ZNF804B: variants seen among roughly 807,000 people sequenced by gnomAD.
The protein encoded by ZNF804B is zinc finger 804B.
In ZNF804B, 80 loss-of-function variants were observed where a neutral mutation model predicts 101.4. That is an observed-to-expected ratio of 0.79 (90% CI 0.66 to 0.95). The LOEUF (loss-of-function observed/expected upper bound fraction) is 0.95, where lower values mean the gene tolerates loss of function less well. Ranked by LOEUF, ZNF804B falls within the 40% of genes least tolerant of loss-of-function variation. ZNF804B has a pLI of 0.00. For missense variants in ZNF804B, 1,673 were observed against 1,561.9 expected (o/e 1.07, Z -1.20); for synonymous variants, 622 against 558.8 (o/e 1.11, Z -1.59).
intron 1 of ZNF804B, among the ~76,000 whole-genome samples, chr7:88,837,962 TTTAAA>T (rs1028385551): frequency 2.3e-4 from 35 of 151,886 alleles, no homozygotes; most frequent in Admixed American, 1.3e-4. Context: ...GTATTATTGT[TTTAAA>T]TTAAATTAAT....
intron 1 of ZNF804B, among the ~76,000 whole-genome samples, chr7:88,887,178 G>A (rs1792140032): frequency 1.2e-5 from 1 of 82,926 alleles, no homozygotes; most frequent in African/African-American, 7.2e-5. Context: ...CATTTCTTTA[G>A]AAAACAAAAA....
chr7:89,181,162 A>T (rs1282160916), intron 1 of ZNF804B, among the ~76,000 whole-genome samples: 1 of 151,796 alleles, frequency 6.6e-6, no homozygotes, highest in Non-Finnish European at 1.5e-5. Flanking sequence ...AGGGTTGGGG[A>T]TGGGGTAACA....
At chr7:88,991,395 C>T (rs182711405) in intron 1 of ZNF804B, among the ~76,000 whole-genome samples, 2 of 152,260 alleles carry the variant, frequency 1.3e-5, no homozygotes, top group African/African-American at 2.4e-5. Context: ...AGAGATCCTC[C>T]GGGAGGTTCC....
At chr7:88,785,714 C>T (rs943843156) in intron 1 of ZNF804B, among the ~76,000 whole-genome samples, 1 of 152,120 alleles carries the variant, frequency 6.6e-6, no homozygotes, top group Non-Finnish European at 1.5e-5. Context: ...TCTCCCAACA[C>T]AGTATGCTTC....
chr7:88,763,567 A>C (rs920111289), intron 1 of ZNF804B, among the ~76,000 whole-genome samples: 1 of 152,038 alleles, frequency 6.6e-6, no homozygotes, highest in Non-Finnish European at 1.5e-5. Context: ...AAGTAAAAAA[A>C]AAAAAGAAAA....
Position 89,334,567 on chromosome 7 carries a change from G to C in ZNF804B, c.1585G>C (p.Glu529Gln). 1.9e-6 allele frequency: 3 copies of C among 1,613,638 alleles called. No homozygotes were observed. Among genetic ancestry groups the C allele is most frequent in the Non-Finnish European group, 2.5e-6 (3 of 1,179,800 alleles). ...TGAAGACCAACAAAAATTGATCCAA[G>C]AAGATTATCAATATCCGAAACCAAA... ...LTEDQQKLIQ[E>Q]DYQYPKPKTM... The change falls in exon 4 of 4, where the codon GAA becomes CAA. Residue 529 changes from glutamate (E) to glutamine (Q), a missense_variant. Glu to Gln is a conservative substitution (Grantham distance 29). Transcript: ENST00000333190.
intron 1 of ZNF804B, among the ~76,000 whole-genome samples, chr7:89,103,421 C>T (rs1790090597): frequency 1.3e-5 from 2 of 151,318 alleles, no homozygotes; most frequent in African/African-American, 2.4e-5. Context: ...ATTTGTAGTT[C>T]TTCTTGTAGA....
chr7:88,914,460 T>C (rs1396724322), intron 1 of ZNF804B, among the ~76,000 whole-genome samples: 9 of 152,122 alleles, frequency 5.9e-5, no homozygotes, highest in Non-Finnish European at 1.5e-5. Flanking sequence ...TGAGCAACAC[T>C]TGAAGTGGAA....
intron 1 of ZNF804B, among the ~76,000 whole-genome samples, chr7:89,200,210 T>C (rs1490217075): frequency 6.6e-6 from 1 of 151,918 alleles, no homozygotes; most frequent in Non-Finnish European, 1.5e-5. Context: ...ACCCAAATGC[T>C]CTTTACTCTT....
chr7:88,809,938 C>G (rs780121783), intron 1 of ZNF804B, among the ~76,000 whole-genome samples: 7 of 152,162 alleles, frequency 4.6e-5, no homozygotes, highest in Admixed American at 2.0e-4. Flanking sequence ...AAATTGCTCT[C>G]ATGTATTCAT....
chr7:89,100,942 G>A (rs558436032), intron 1 of ZNF804B, among the ~76,000 whole-genome samples: 15 of 152,092 alleles, frequency 9.9e-5, no homozygotes, highest in African/African-American at 3.1e-4. Context: ...GTGTCTGTGT[G>A]TATGTGTATA....
intron 1 of ZNF804B, among the ~76,000 whole-genome samples, chr7:88,909,470 T>C (rs890136653): frequency 6.6e-6 from 1 of 151,736 alleles, no homozygotes; most frequent in African/African-American, 2.4e-5. Context: ...AAATAGGTGA[T>C]TTAAAAAAAA....
intron 1 of ZNF804B, among the ~76,000 whole-genome samples, chr7:88,912,783 A>C (rs1392645584): frequency 2.0e-5 from 3 of 152,146 alleles, no homozygotes; most frequent in Non-Finnish European, 4.4e-5. Context: ...ATAACTTTAC[A>C]GTGTGGATTT....
intron 1 of ZNF804B, among the ~76,000 whole-genome samples, chr7:88,787,657 C>T (rs776982559): frequency 2.0e-5 from 3 of 152,094 alleles, no homozygotes; most frequent in Admixed American, 6.6e-5. Flanking sequence ...AATAACTAAT[C>T]GTAAAATACA....
chr7:88,806,616 G>GGTGT (rs145554500), intron 1 of ZNF804B, among the ~76,000 whole-genome samples: 38 of 149,096 alleles, frequency 2.5e-4, no homozygotes, highest in Admixed American at 6.7e-4. Flanking sequence ...TCATTTGAGG[G>GGTGT]GTGTGTGTGT....
At chr7:88,810,372 A>T (rs1187242594) in intron 1 of ZNF804B, among the ~76,000 whole-genome samples, 2 of 152,104 alleles carry the variant, frequency 1.3e-5, no homozygotes, top group African/African-American at 4.8e-5. Context: ...CATTAAAAAG[A>T]GCTGAGCCCA....
At chr7:88,915,587 A>T (rs1163602731) in intron 1 of ZNF804B, among the ~76,000 whole-genome samples, 2 of 152,118 alleles carry the variant, frequency 1.3e-5, no homozygotes, top group Middle Eastern at 3.4e-3. Context: ...TTGCTTCATA[A>T]TGACTACATA....
chr7:89,140,177 A>G (rs1239487450), intron 1 of ZNF804B, among the ~76,000 whole-genome samples: 1 of 152,066 alleles, frequency 6.6e-6, no homozygotes, highest in African/African-American at 2.4e-5. Context: ...TAGAAAAAAA[A>G]TCCTGGACTT....
At chr7:88,843,489 G>A (rs1791317716) in intron 1 of ZNF804B, among the ~76,000 whole-genome samples, 1 of 152,080 alleles carries the variant, frequency 6.6e-6, no homozygotes, top group Admixed American at 6.6e-5. Flanking sequence ...TGTAATCCCA[G>A]CACTTGGGGA....
Sources: allele counts gnomAD v4.1 joint callset (sites outside exome capture counted in the v4.1 genomes callset), GRCh38; gene constraint gnomAD v4.1.1; transcripts MANE v1.5; gene names NCBI Gene and HGNC (gene_info 2026-07-23, HGNC 2026-07-21).